The following PLEKHA8 variants were observed in gnomAD, a reference collection of about 807,000 sequenced individuals.
PLEKHA8 encodes pleckstrin homology domain containing A8, also known as pleckstrin homology domain-containing family A member 8.
In PLEKHA8, 36 loss-of-function variants were observed where a neutral mutation model predicts 68.2. That is an observed-to-expected ratio of 0.53 (90% CI 0.40 to 0.70). PLEKHA8 has a LOEUF of 0.70. Among genes scored for constraint, PLEKHA8 ranks in the 30% least tolerant of loss-of-function variants. The probability of loss-of-function intolerance (pLI) is 0.00; values close to 1 mark genes in which losing one functional copy is unlikely to be tolerated. For missense variants in PLEKHA8, 505 were observed against 615.4 expected, an observed-to-expected ratio of 0.82 and a Z score of 1.90; for synonymous variants, 211 against 216.1, an observed-to-expected ratio of 0.98 and a Z score of 0.20.
intron 12 of PLEKHA8, among the ~76,000 whole-genome samples, chr7:30,072,577 G>A (rs968478914): frequency 6.6e-6 from 1 of 152,212 alleles, no homozygotes; most frequent in Non-Finnish European, 1.5e-5. Flanking sequence ...ACTTCCCTTG[G>A]CAATGTCCTG....
intron 1 of PLEKHA8, among the ~76,000 whole-genome samples, chr7:30,032,641 C>G (rs1031767469): frequency 1.3e-5 from 2 of 152,134 alleles, no homozygotes; most frequent in Non-Finnish European, 2.9e-5. Context: ...CTAGCTGATT[C>G]ATAATGTACC....
intron 13 of PLEKHA8, among the ~76,000 whole-genome samples, chr7:30,109,544 C>T (rs138820968): frequency 1.1e-3 from 136 of 129,442 alleles, no homozygotes; most frequent in African/African-American, 3.8e-3. Context: ...GCCAAGATCG[C>T]GCCATTGCAC....
At chr7:30,034,377 A>G (rs1790900751) in intron 1 of PLEKHA8, among the ~76,000 whole-genome samples, 1 of 152,108 alleles carries the variant, frequency 6.6e-6, no homozygotes, top group Admixed American at 6.5e-5. Flanking sequence ...TGACCCATGA[A>G]TAATGCAGGA....
rs1294311437 is a variant in PLEKHA8 at position 30,080,527 on chromosome 7, A to T, written c.*1740A>T. On this transcript the variant is annotated 3_prime_UTR_variant, in exon 14 of 14. Transcript: ENST00000449726. Reference sequence around the variant, plus strand: ...CAGAGAAGTTTATGTAGGGAGGGGTATTGGTTTTGCCTTTGTGTGTCTTTA... The same window carrying T: ...CAGAGAAGTTTATGTAGGGAGGGGTTTTGGTTTTGCCTTTGTGTGTCTTTA... The T allele has an allele frequency of 2.8e-5, 28 of 985,180 alleles. No homozygotes were observed. The highest frequency in any genetic ancestry group is 3.5e-5 in the African/African-American group (2 of 57,214). The allele number at this position is 985,180 out of a possible 1,614,324, so 61.0% of individuals were successfully genotyped here. A position where few individuals can be genotyped will look rare whatever the true frequency, so the allele number is the denominator to read the frequency against.
At chr7:30,115,954 A>ACATGCATGCATACATGTGCATG (rs949540112) in intron 13 of PLEKHA8, 8 of 131,112 alleles carry the variant, frequency 6.1e-5, no homozygotes, top group African/African-American at 1.4e-4. Flanking sequence ...ACATACGCAT[A>ACATGCATGCATACATGTGCATG]CATGCATGCA....
chr7:30,059,222 T>C (rs1793238932), intron 9 of PLEKHA8, among the ~76,000 whole-genome samples: 1 of 152,276 alleles, frequency 6.6e-6, no homozygotes, highest in Non-Finnish European at 1.5e-5. Context: ...GTTTTTAGTG[T>C]ATAGCTATCA....
At chr7:30,041,951 A>ATG (rs1220707205) in intron 1 of PLEKHA8, among the ~76,000 whole-genome samples, 1 of 151,966 alleles carries the variant, frequency 6.6e-6, no homozygotes, top group African/African-American at 2.4e-5. Flanking sequence ...AAAATTGATG[A>ATG]TGTGATGGTT....
At chr7:30,089,928 A>G (rs985478661) in intron 12 of PLEKHA8, among the ~76,000 whole-genome samples, 16 of 152,384 alleles carry the variant, frequency 1.0e-4, no homozygotes, top group African/African-American at 3.8e-4. Context: ...AATTGATAAC[A>G]GAAGAAAAGG....
intron 6 of PLEKHA8, 142 bp from the exon 7 acceptor site, chr7:30,052,567 G>C: frequency 3.1e-6 from 2 of 644,544 alleles, no homozygotes; most frequent in South Asian, 5.1e-5. Context: ...GATTGATTGA[G>C]CCCAGAAGAT....
chr7:30,060,498 C>T (rs1295606454), intron 9 of PLEKHA8, among the ~76,000 whole-genome samples: 2 of 152,154 alleles, frequency 1.3e-5, no homozygotes, highest in Admixed American at 1.3e-4. Flanking sequence ...CTTTTTCATA[C>T]TCAGTCTTCC....
chr7:30,103,577 AG>A (rs1795946405), intron 13 of PLEKHA8, among the ~76,000 whole-genome samples: 1 of 152,262 alleles, frequency 6.6e-6, no homozygotes, highest in Admixed American at 6.5e-5. Context: ...ATTGGTGTAA[AG>A]GTCCATGGGA....
At chr7:30,105,236 C>T (rs1796014175) in intron 13 of PLEKHA8, among the ~76,000 whole-genome samples, 1 of 149,434 alleles carries the variant, frequency 6.7e-6, no homozygotes, top group Non-Finnish European at 1.5e-5. Context: ...TTTGGGAAGC[C>T]TAGGTAAGTT....
In PLEKHA8 at chr7:30,083,532, C is replaced by G. The variant is rs1412217842; in HGVS notation, c.*4745C>G. 4.1e-6 allele frequency: 4 copies of G among 985,268 alleles called. No homozygotes were observed. The African/African-American group carries it at 7.0e-5, about 17-fold the overall frequency. 61.0% of individuals were successfully genotyped at this position (985,268 alleles called of 1,614,324 possible). On this transcript the variant is annotated 3_prime_UTR_variant, in exon 14 of 14. Transcript: ENST00000449726. ...TGATTTCTCATTGCACTGCTGCATT[C>G]AGGCACTCCAGGGCATGATTAAACA... is the stretch of plus-strand genomic sequence containing the variant.
chr7:30,065,506 G>A lies in PLEKHA8; in HGVS notation c.1300+2764G>A, dbSNP rs576102519. Among the ~76,000 whole-genome samples, 3 of 150,464 alleles carry A rather than the reference G, an allele frequency of 2.0e-5. No individual in the cohort carries two copies. In the Admixed American group the frequency reaches 2.0e-4, roughly 10 times the overall value. ...TTTACACAATAGTTACTCAGAACCT[G>A]TAGGCTCCTTGATGCATATTTCTTC... is the stretch of plus-strand genomic sequence containing the variant. On this transcript the variant is annotated intron_variant, in intron 12 of 13. Coordinates refer to ENST00000449726, the MANE Select transcript of PLEKHA8 (RefSeq NM_001197026.2).
chr7:30,116,373 C>T (rs973358967), intron 13 of PLEKHA8, among the ~76,000 whole-genome samples: 8 of 151,656 alleles, frequency 5.3e-5, no homozygotes, highest in African/African-American at 1.9e-4. Flanking sequence ...GTGTGAATAT[C>T]TGTTTACATG....
intron 6 of PLEKHA8, 62 bp downstream of exon 6, chr7:30,050,536 G>A: frequency 6.9e-7 from 1 of 1,444,084 alleles, no homozygotes; most frequent in Non-Finnish European, 9.2e-7. Flanking sequence ...GTTATTCCTT[G>A]TTTAAAAAAA....
intron 13 of PLEKHA8, among the ~76,000 whole-genome samples, chr7:30,108,063 AT>A (rs1796128411): frequency 7.8e-6 from 1 of 128,696 alleles, no homozygotes; most frequent in Non-Finnish European, 1.6e-5. Flanking sequence ...GCAAAACTCC[AT>A]CTCAAAAAAA....
chr7:30,037,174 A>G (rs1791164201), intron 1 of PLEKHA8, among the ~76,000 whole-genome samples: 2 of 152,242 alleles, frequency 1.3e-5, no homozygotes, highest in Non-Finnish European at 2.9e-5. Flanking sequence ...TCTATATAGC[A>G]TACATAATAT....
chr7:30,098,073 G>A (rs376046055), intron 13 of PLEKHA8, among the ~76,000 whole-genome samples: 3 of 152,324 alleles, frequency 2.0e-5, no homozygotes, highest in African/African-American at 7.2e-5. Context: ...AGGTCTGTTG[G>A]AGTTTGCTGG....
Sources: gnomAD v4.1 joint callset for allele counts (sites outside exome capture counted in the v4.1 genomes callset) on GRCh38, gnomAD v4.1.1 for gene constraint, MANE v1.5 for transcripts, NCBI Gene and HGNC (gene_info 2026-07-23, HGNC 2026-07-21) for gene names.